Variants in GALNTL6 observed in about 807,000 individuals in gnomAD.
GALNTL6 encodes polypeptide N-acetylgalactosaminyltransferase-like 6.
GALNTL6 carries 46 observed loss-of-function variants against 73.7 expected under a neutral mutation model. That is an observed-to-expected ratio of 0.62 (90% CI 0.49 to 0.80). The LOEUF (loss-of-function observed/expected upper bound fraction) is 0.80, where lower values mean the gene tolerates loss of function less well. Ranked by LOEUF, GALNTL6 falls within the 30% of genes least tolerant of loss-of-function variation. The pLI, the probability that GALNTL6 is intolerant of heterozygous loss-of-function variation, is 0.00. For missense variants in GALNTL6, 604 were observed against 755.0 expected (o/e 0.80, Z 2.34); for synonymous variants, 259 against 263.7 (o/e 0.98, Z 0.17).
chr4:172,891,211 A>C (rs1746013761), intron 8 of GALNTL6, among the ~76,000 whole-genome samples: 2 of 151,826 alleles, frequency 1.3e-5, no homozygotes, highest in African/African-American at 4.8e-5. Flanking sequence ...TCATGGTGTC[A>C]ATGGCTGGTT....
intron 11 of GALNTL6, among the ~76,000 whole-genome samples, chr4:173,017,015 C>G (rs1752810169): frequency 1.3e-5 from 2 of 152,046 alleles, no homozygotes; most frequent in African/African-American, 4.8e-5. Context: ...GGGCTTTTCC[C>G]CCTTTTGCTT....
intron 5 of GALNTL6, among the ~76,000 whole-genome samples, chr4:172,765,605 A>T (rs980172684): frequency 1.1e-4 from 17 of 152,196 alleles, no homozygotes; most frequent in African/African-American, 3.6e-4. Context: ...ATCTGATTAC[A>T]TGAAATTACA....
chr4:172,532,948 CA>C lies in GALNTL6; in HGVS notation c.553+184261del, dbSNP rs1197810717. ...CAAAAAGAAAAAACAGTCTTGAAAG[CA>C]AGAGTGAATGAAAAAGCTGAAATGA... On this transcript the variant is annotated intron_variant, in intron 5 of 12. Coordinates refer to ENST00000506823, the MANE Select transcript of GALNTL6 (RefSeq NM_001034845.3). 1.3e-4 allele frequency among the ~76,000 whole-genome samples: 20 copies of C among 150,974 alleles called. No individual in the cohort carries two copies. In the East Asian group the frequency reaches 3.9e-3, roughly 29 times the overall value.
intron 5 of GALNTL6, among the ~76,000 whole-genome samples, chr4:172,393,346 G>T (rs1743734984): frequency 1.3e-5 from 2 of 152,154 alleles, no homozygotes; most frequent in South Asian, 4.1e-4. Flanking sequence ...TTGTCACAAA[G>T]TGCCTCCTCT....
intron 3 of GALNTL6, among the ~76,000 whole-genome samples, chr4:172,280,836 A>G (rs1739019344): frequency 2.0e-5 from 3 of 152,090 alleles, no homozygotes; most frequent in Non-Finnish European, 4.4e-5. Flanking sequence ...TTGCTACTGT[A>G]ACAACTTATC....
chr4:172,522,675 CCCCAA>C (rs1734821880), intron 5 of GALNTL6, among the ~76,000 whole-genome samples: 2 of 63,930 alleles, frequency 3.1e-5, no homozygotes, highest in African/African-American at 1.3e-4. Context: ...TCCCCCCCCC[CCCCAA>C]AAAAAAAGTG....
intron 2 of GALNTL6, among the ~76,000 whole-genome samples, chr4:171,905,639 G>A (rs1450396204): frequency 4.7e-5 from 7 of 149,192 alleles, no homozygotes; most frequent in African/African-American, 1.8e-4. Flanking sequence ...TGCACCAAGT[G>A]GACCTAATAG....
At chr4:172,450,618 G>T (rs888716193) in intron 5 of GALNTL6, among the ~76,000 whole-genome samples, 1 of 152,176 alleles carries the variant, frequency 6.6e-6, no homozygotes, top group Non-Finnish European at 1.5e-5. Context: ...GAAATGATTG[G>T]CCATTGCCTG....
chr4:172,330,320 C>T lies in GALNTL6; in HGVS notation c.387-18203C>T, dbSNP rs1423415438. 2.0e-5 allele frequency among the ~76,000 whole-genome samples: 3 copies of T among 152,142 alleles called. No homozygotes were observed. In the East Asian group the frequency reaches 5.8e-4, roughly 29 times the overall value. On this transcript the variant is annotated intron_variant, in intron 4 of 12. Transcript: ENST00000506823. The stretch of plus-strand genomic sequence containing the variant: ...GGGGATTCATGAGGGGATCTCCTGA[C>T]CCATGGTTTGCAAAGATCCACTGGG...
At chr4:172,289,712 G>A (rs963549293) in intron 3 of GALNTL6, among the ~76,000 whole-genome samples, 1 of 152,126 alleles carries the variant, frequency 6.6e-6, no homozygotes, top group Non-Finnish European at 1.5e-5. Flanking sequence ...ATTTGATGCT[G>A]GCATGAGTTA....
In GALNTL6 at chr4:172,342,392, A is replaced by G. The variant is rs116350787; in HGVS notation, c.387-6131A>G. Among the ~76,000 whole-genome samples, 505 of 152,320 alleles carry G rather than the reference A, an allele frequency of 3.3e-3. 4 individuals carry two copies. The highest frequency in any genetic ancestry group is 0.011 in the African/African-American group (466 of 41,566). On this transcript the variant is annotated intron_variant, in intron 4 of 12. Transcript: ENST00000506823. Reference sequence around the variant, plus strand: ...GCTCGTGTTACCTCCTGTGTAGGCTATAATTACTGAATTTTCAGAAAAGCT... The same window carrying G: ...GCTCGTGTTACCTCCTGTGTAGGCTGTAATTACTGAATTTTCAGAAAAGCT...
At chr4:172,875,015 G>A (rs1044148589) in intron 7 of GALNTL6, among the ~76,000 whole-genome samples, 1 of 152,138 alleles carries the variant, frequency 6.6e-6, no homozygotes, top group Non-Finnish European at 1.5e-5. Context: ...CTGGCAACAG[G>A]CACCATAGCA....
chr4:172,100,500 G>A (rs1368381864), intron 2 of GALNTL6, among the ~76,000 whole-genome samples: 1 of 151,962 alleles, frequency 6.6e-6, no homozygotes, highest in Non-Finnish European at 1.5e-5. Flanking sequence ...TTTAAAGAAT[G>A]AATAATTTTA....
At chr4:172,863,277 C>T (rs1229673609) in intron 7 of GALNTL6, among the ~76,000 whole-genome samples, 2 of 152,202 alleles carry the variant, frequency 1.3e-5, no homozygotes, top group Non-Finnish European at 2.9e-5. Flanking sequence ...GGCCACCGTC[C>T]TCCAGGCCCC....
At chr4:172,753,106 G>C (rs1737526482) in intron 5 of GALNTL6, among the ~76,000 whole-genome samples, 1 of 152,184 alleles carries the variant, frequency 6.6e-6, no homozygotes, top group African/African-American at 2.4e-5. Flanking sequence ...GGCAGGGCCA[G>C]GTAGAGATAA....
intron 2 of GALNTL6, among the ~76,000 whole-genome samples, chr4:171,923,298 C>T (rs1737850224): frequency 1.3e-5 from 2 of 151,756 alleles, no homozygotes; most frequent in Admixed American, 1.3e-4. Flanking sequence ...GGCACTGGGT[C>T]AGTGAAATGT....
intron 5 of GALNTL6, among the ~76,000 whole-genome samples, chr4:172,567,198 G>T (rs1736586103): frequency 6.6e-6 from 1 of 151,372 alleles, no homozygotes; most frequent in Non-Finnish European, 1.5e-5. Flanking sequence ...TTTCTCAGAA[G>T]CTCAAATATC....
At chr4:172,189,690 G>C (rs1735516807) in intron 2 of GALNTL6, among the ~76,000 whole-genome samples, 1 of 152,046 alleles carries the variant, frequency 6.6e-6, no homozygotes, top group Non-Finnish European at 1.5e-5. Flanking sequence ...ATTGAGAAGG[G>C]AATTAAATTC....
Position 172,076,063 on chromosome 4 carries a change from T to C in GALNTL6, c.139-153593T>C, listed in dbSNP as rs567266359. 2.0e-5 allele frequency among the ~76,000 whole-genome samples: 3 copies of C among 152,338 alleles called. No individual in the cohort carries two copies. In the East Asian group the frequency reaches 5.8e-4, roughly 29 times the overall value. Reference sequence around the variant, plus strand: ...AGGGAAAAATTCCTTTGGATAAAAATGCACCTTTGTAAATGACATGCACCA... The same window carrying C: ...AGGGAAAAATTCCTTTGGATAAAAACGCACCTTTGTAAATGACATGCACCA... On this transcript the variant is annotated intron_variant, in intron 2 of 12. Coordinates refer to ENST00000506823, the MANE Select transcript of GALNTL6 (RefSeq NM_001034845.3).
Sources: gnomAD v4.1 joint callset for allele counts (sites outside exome capture counted in the v4.1 genomes callset) on GRCh38, gnomAD v4.1.1 for gene constraint, MANE v1.5 for transcripts, NCBI Gene and HGNC (gene_info 2026-07-23, HGNC 2026-07-21) for gene names.